The following DDB1 variants were observed in gnomAD, a reference collection of about 807,000 sequenced individuals.
DDB1 encodes the protein damage specific DNA binding protein 1.
DDB1 carries 18 observed loss-of-function variants against 133.1 expected under a neutral mutation model. The ratio of observed to expected loss-of-function variants is 0.14; its 90% CI spans 0.09 to 0.20. The LOEUF (loss-of-function observed/expected upper bound fraction) is 0.20, where lower values mean the gene tolerates loss of function less well. Ranked by LOEUF, DDB1 falls within the 10% of genes least tolerant of loss-of-function variation. DDB1 has a pLI of 1.00. For synonymous variants in DDB1, 580 were observed against 550.5 expected, an observed-to-expected ratio of 1.05 and a Z score of -0.75; for missense variants, 828 against 1,459.2, an observed-to-expected ratio of 0.57 and a Z score of 7.05.
At chr11:61,330,180 C>A in intron 2 of DDB1, 106 bp from the exon 3 acceptor site, 1 of 851,098 alleles carries the variant, frequency 1.2e-6, no homozygotes, top group Admixed American at 2.5e-5. Flanking sequence ...AAATTCTTCT[C>A]TCCCTAAAGA....
intron 10 of DDB1, among the ~76,000 whole-genome samples, chr11:61,319,138 T>C (rs183675159): frequency 6.6e-6 from 1 of 152,262 alleles, no homozygotes; most frequent in African/African-American, 2.4e-5. Context: ...CCCAGGATAT[T>C]GAGGCTATGG....
rs774330440 is a variant in DDB1 at position 61,302,789 on chromosome 11, G to A, written c.2943-38C>T. 19 of 1,612,826 alleles carry A rather than the reference G, an allele frequency of 1.2e-5. No individual in the cohort carries two copies. The East Asian group carries it at 4.2e-4, about 36-fold the overall frequency. ...AAGAAAGTCACTTTCTGAACCTCCT[G>A]TTTCCACCACAGGCCCTGAGACAGG... On this transcript the variant is annotated intron_variant, in intron 23 of 26. Coordinates refer to ENST00000301764, the MANE Select transcript of DDB1 (RefSeq NM_001923.5).
In DDB1 at chr11:61,309,022, C is replaced by T. The variant is rs373915373; in HGVS notation, c.2622G>A (p.Val874=). The T allele has an allele frequency of 1.2e-4, 188 of 1,614,064 alleles. No homozygotes were observed. Among genetic ancestry groups the T allele is most frequent in the Non-Finnish European group, 1.5e-4 (182 of 1,180,054 alleles). The change falls in exon 21 of 27, where the codon GTG becomes GTA. Residue 874 remains valine (V), a synonymous_variant. Transcript: ENST00000301764. Reference sequence around the variant, plus strand: ...TGGCTAACAGCTTCCCGTTAAATTCCACCATAGAGTACACGGCCCCTTTCA... The same window carrying T: ...TGGCTAACAGCTTCCCGTTAAATTCTACCATAGAGTACACGGCCCCTTTCA... ...KEVKGAVYSM[V]EFNGKLLASI... is the part of the protein sequence containing the mutation.
intron 20 of DDB1, 131 bp from the exon 21 acceptor site, chr11:61,309,208 T>G (rs1855921803): frequency 3.9e-6 from 3 of 774,996 alleles, no homozygotes; most frequent in Non-Finnish European, 6.6e-6. Context: ...CAACACAGAC[T>G]CAGTATCTAC....
intron 10 of DDB1, among the ~76,000 whole-genome samples, chr11:61,318,828 C>T (rs1856131699): frequency 6.6e-6 from 1 of 152,154 alleles, no homozygotes; most frequent in African/African-American, 2.4e-5. Context: ...GCCAAGTGTA[C>T]ATTTGGCAGG....
At position 61,299,858 on chromosome 11, in the gene DDB1, G is replaced by A. The variant is rs1590674980; in HGVS notation, c.*278C>T. 1.9e-6 allele frequency: 1 copy of A among 513,922 alleles called. No individual in the cohort carries two copies. The highest frequency in any genetic ancestry group is 3.5e-6 in the Non-Finnish European group (1 of 281,830). 31.8% of individuals were successfully genotyped at this position (513,922 alleles called of 1,614,324 possible). On this transcript the variant is annotated 3_prime_UTR_variant, in exon 27 of 27. Coordinates refer to ENST00000301764, the MANE Select transcript of DDB1 (RefSeq NM_001923.5). ...GAACTGCAAAATCCTTCCCCGGAAG[G>A]AGGACAACTGGCAACACCAATCAAG...
At chr11:61,330,814 C>T (rs773843890) in intron 2 of DDB1, among the ~76,000 whole-genome samples, 1 of 152,098 alleles carries the variant, frequency 6.6e-6, no homozygotes, top group Non-Finnish European at 1.5e-5. Flanking sequence ...TGCCACCACA[C>T]CCGGCTAACT....
Position 61,314,369 on chromosome 11 carries a change from C to T in DDB1, c.1528G>A (p.Val510Met). Residue 510 changes from valine to methionine, a missense_variant, in exon 13 of 27, where the codon GTG becomes ATG. Around this residue, in one of 7 missense-constraint regions of DDB1, gnomAD observed 396 missense variants for 554.1 expected, o/e 0.71. Transcript: ENST00000301764. ...TAGTAGAGGGCCCTGCCTACAGCCA[C>T]CACCACCTGGCTGCTATTGCAGGAG... ...VASCNSSQVV[V>M]AVGRALYYLQ... The T allele has an allele frequency of 1.2e-6, 2 of 1,614,264 alleles. No homozygotes were observed. Among genetic ancestry groups the T allele is most frequent in the Non-Finnish European group, 1.7e-6 (2 of 1,180,050 alleles).
rs1244904000 is a variant in DDB1 at position 61,300,796 on chromosome 11, C to G, written c.3339+13G>C. ...GACTTGTCTGGCCCAGGGTTAAACA[C>G]CACACAGCTCACCTGTAGGTTTGCC... On this transcript the variant is annotated intron_variant, in intron 26 of 26. Transcript: ENST00000301764. 2 of 1,613,972 alleles carry G rather than the reference C, an allele frequency of 1.2e-6. No homozygotes were observed. The highest frequency in any genetic ancestry group is 2.7e-5 in the African/African-American group (2 of 74,922).
chr11:61,330,119 A>T (rs563291751), intron 2 of DDB1, 45 bp from the exon 3 acceptor site: 1 of 1,499,520 alleles, frequency 6.7e-7, no homozygotes, highest in African/African-American at 1.4e-5. Context: ...TTTTTAAAAC[A>T]GGAACAACCT....
At chr11:61,319,628 C>T (rs1263709859) in intron 10 of DDB1, among the ~76,000 whole-genome samples, 2 of 152,110 alleles carry the variant, frequency 1.3e-5, no homozygotes, top group Non-Finnish European at 2.9e-5. Flanking sequence ...GATGGGGTTT[C>T]ACCATGCTGG....
chr11:61,319,677 G>A (rs1373993584), intron 10 of DDB1, among the ~76,000 whole-genome samples: 2 of 152,108 alleles, frequency 1.3e-5, no homozygotes, highest in African/African-American at 2.4e-5. Context: ...TGATCTGCCC[G>A]CCTCGGCCTC....
At chr11:61,300,271 C>T (rs1590675371) in intron 26 of DDB1, 52 bp from the exon 27 acceptor site, 7 of 1,574,136 alleles carry the variant, frequency 4.4e-6, no homozygotes, top group Middle Eastern at 1.7e-4. Context: ...TGCTCTCCCA[C>T]AGGTGGGGAA....
chr11:61,323,911 G>A (rs1432037899), intron 7 of DDB1, 68 bp downstream of exon 7: 10 of 1,547,622 alleles, frequency 6.5e-6, no homozygotes, highest in Non-Finnish European at 8.0e-6. Flanking sequence ...TGAGGTGTGG[G>A]ACCACACATT....
chr11:61,317,279 A>C (rs1856105182), intron 10 of DDB1, among the ~76,000 whole-genome samples: 1 of 150,838 alleles, frequency 6.6e-6, no homozygotes, highest in Admixed American at 6.6e-5. Flanking sequence ...ACACCTGGCT[A>C]ATTTTTTGTA....
At chr11:61,302,229 A>G (rs1367037754) in intron 25 of DDB1, 28 bp downstream of exon 25, 2 of 1,591,816 alleles carry the variant, frequency 1.3e-6, no homozygotes, top group Non-Finnish European at 1.7e-6. Flanking sequence ...TGTGCTTCCC[A>G]GCAAGGGGAT....
chr11:61,312,480 T>A (rs1432266840), intron 16 of DDB1, among the ~76,000 whole-genome samples: 1 of 151,650 alleles, frequency 6.6e-6, no homozygotes, highest in African/African-American at 2.4e-5. Context: ...CTGCATTTCT[T>A]TCTTTTCTTT....
chr11:61,302,467 G>A lies in DDB1; in HGVS notation c.3113-108C>T, dbSNP rs550260243. 3.1e-5 allele frequency: 48 copies of A among 1,569,070 alleles called. No homozygotes were observed. The East Asian group carries it at 1.0e-3, about 34-fold the overall frequency. ...GCAGCTCAGGGAGGGCTAATGTGCT[G>A]CAGCCTCCTCTAGTAAACACCTAGG... On this transcript the variant is annotated intron_variant, in intron 24 of 26. Transcript: ENST00000301764.
At chr11:61,301,899 G>C (rs1445295214) in intron 25 of DDB1, 1 of 180,638 alleles carries the variant, frequency 5.5e-6, no homozygotes, top group Non-Finnish European at 1.2e-5. Flanking sequence ...TCTAGTCTCA[G>C]ACACTGTTGC....
Sources: allele counts gnomAD v4.1 joint callset (sites outside exome capture counted in the v4.1 genomes callset), GRCh38; gene constraint gnomAD v4.1.1; regional missense constraint gnomAD v4.1.1; transcripts MANE v1.5; gene names NCBI Gene and HGNC (gene_info 2026-07-23, HGNC 2026-07-21).